The following MAGI2 variants were observed in gnomAD, a reference collection of about 807,000 sequenced individuals.
The protein encoded by MAGI2 is membrane associated guanylate kinase, WW and PDZ domain containing 2, also known as membrane-associated guanylate kinase, WW and PDZ domain-containing protein 2.
MAGI2 carries 35 observed loss-of-function variants against 133.3 expected under a neutral mutation model. That is an observed-to-expected ratio of 0.26 (90% CI 0.20 to 0.35). MAGI2 has a LOEUF of 0.35. Among genes scored for constraint, MAGI2 ranks in the 10% least tolerant of loss-of-function variants. The pLI is 1.00. For synonymous variants in MAGI2, 729 were observed against 710.6 expected, an observed-to-expected ratio of 1.03 and a Z score of -0.41; for missense variants, 1,636 against 1,863.4, an observed-to-expected ratio of 0.88 and a Z score of 2.25.
At chr7:79,053,113 C>G (rs1399947835) in intron 1 of MAGI2, among the ~76,000 whole-genome samples, 2 of 152,078 alleles carry the variant, frequency 1.3e-5, no homozygotes. Flanking sequence ...GCTGGGACTA[C>G]AGACGCCCAC....
At chr7:78,214,242 T>C (rs1203873714) in intron 10 of MAGI2, among the ~76,000 whole-genome samples, 1 of 152,262 alleles carries the variant, frequency 6.6e-6, no homozygotes. Flanking sequence ...TTTTAAATAT[T>C]ACATCTTCTA....
intron 6 of MAGI2, among the ~76,000 whole-genome samples, chr7:78,378,680 A>G (rs925373614): frequency 2.6e-5 from 4 of 151,988 alleles, no homozygotes; most frequent in Admixed American, 1.3e-4. Flanking sequence ...CCATATAAAC[A>G]GTTTATTCTA....
At chr7:78,206,620 A>G (rs1787133757) in intron 10 of MAGI2, among the ~76,000 whole-genome samples, 1 of 152,130 alleles carries the variant, frequency 6.6e-6, no homozygotes, top group Admixed American at 6.5e-5. Flanking sequence ...ATTTTCAGGA[A>G]TTTTCCCAAA....
intron 1 of MAGI2, among the ~76,000 whole-genome samples, chr7:79,029,290 T>A (rs1435682874): frequency 6.6e-6 from 1 of 152,174 alleles, no homozygotes; most frequent in Non-Finnish European, 1.5e-5. Flanking sequence ...CCTGTATTAA[T>A]AAAATCTACA....
At chr7:79,186,251 T>A (rs1298872836) in intron 1 of MAGI2, among the ~76,000 whole-genome samples, 1 of 138,540 alleles carries the variant, frequency 7.2e-6, no homozygotes, top group African/African-American at 2.8e-5. Context: ...TATTTATATT[T>A]ATTTATTTAT....
At chr7:78,145,188 A>G (rs184723151) in intron 16 of MAGI2, among the ~76,000 whole-genome samples, 167 of 152,298 alleles carry the variant, frequency 1.1e-3, no homozygotes, top group African/African-American at 3.8e-3. Context: ...ATTTTTCTTC[A>G]GAAACTTACA....
At position 78,348,565 on chromosome 7, in the gene MAGI2, C is replaced by T. The variant is rs1791164082; in HGVS notation, c.1104-2522G>A. 3 of 152,148 alleles carry T rather than the reference C, an allele frequency of 2.0e-5. No homozygotes were observed. The South Asian group carries it at 6.2e-4, about 32-fold the overall frequency. The allele number at this position is 152,148 out of a possible 1,614,324, so 9.4% of individuals were successfully genotyped here. Reference sequence around the variant, plus strand: ...TCCCTGCCTGTGTGATATTCTTCCACCTTGGGTTCTCAGAAAACTTTGAAC... The same window carrying T: ...TCCCTGCCTGTGTGATATTCTTCCATCTTGGGTTCTCAGAAAACTTTGAAC... On this transcript the variant is annotated intron_variant, in intron 7 of 21. Coordinates refer to ENST00000354212, the MANE Select transcript of MAGI2 (RefSeq NM_012301.4).
chr7:79,138,944 C>G (rs566392532), intron 1 of MAGI2, among the ~76,000 whole-genome samples: 4 of 138,432 alleles, frequency 2.9e-5, no homozygotes, highest in Non-Finnish European at 3.0e-5. Context: ...GCACTGCATT[C>G]CAGCCTGGAT....
intron 2 of MAGI2, among the ~76,000 whole-genome samples, chr7:78,938,232 A>G (rs1367183737): frequency 6.6e-6 from 1 of 152,130 alleles, no homozygotes; most frequent in Non-Finnish European, 1.5e-5. Flanking sequence ...CAAATCTGAC[A>G]AAAAATTAAT....
chr7:78,521,532 T>A lies in MAGI2; in HGVS notation c.652A>T (p.Asn218Tyr). Residue 218 changes from asparagine to tyrosine, a missense_variant, in exon 4 of 22, where the codon AAT becomes TAT. By Grantham distance (143) the Asn-to-Tyr change is moderately radical. Coordinates refer to ENST00000354212, the MANE Select transcript of MAGI2 (RefSeq NM_012301.4). ...TPSAEGKRKR[N>Y]KSVSNMEKAS... is the part of the protein sequence containing the mutation. ...TTCTCCATGTTGCTCACTGATTTAT[T>A]CCTCTTCCGTTTTCCTTCAGCACTT... 1 of 1,614,146 alleles carries A rather than the reference T, an allele frequency of 6.2e-7. No homozygotes were observed. Among genetic ancestry groups the A allele is most frequent in the African/African-American group, 1.3e-5 (1 of 75,046 alleles).
chr7:78,345,700 T>G, intron 8 of MAGI2: 1 of 547,040 alleles, frequency 1.8e-6, no homozygotes, highest in Non-Finnish European at 3.2e-6. Flanking sequence ...GGTGACATGC[T>G]GTACATTCCT....
At position 78,137,230 on chromosome 7, in the gene MAGI2, G is replaced by A. The variant is rs146118629; in HGVS notation, c.2846-2024C>T. 2.6e-5 allele frequency among the ~76,000 whole-genome samples: 4 copies of A among 152,188 alleles called. No individual in the cohort carries two copies. In the East Asian group the frequency reaches 7.7e-4, roughly 29 times the overall value. On this transcript the variant is annotated intron_variant, in intron 16 of 21. Transcript: ENST00000354212. ...GAATGAATGGTTCATCAATGATTTG[G>A]TCTCCCTGGCCATAATGTGTATATT... is the stretch of plus-strand genomic sequence containing the variant.
intron 2 of MAGI2, among the ~76,000 whole-genome samples, chr7:78,868,240 A>G (rs1351843675): frequency 6.6e-6 from 1 of 152,274 alleles, no homozygotes; most frequent in African/African-American, 2.4e-5. Flanking sequence ...AAACAAACTT[A>G]GAAACAATGA....
At chr7:78,630,363 T>C (rs992936985) in intron 2 of MAGI2, among the ~76,000 whole-genome samples, 15 of 151,742 alleles carry the variant, frequency 9.9e-5, no homozygotes, top group Admixed American at 7.2e-4. Context: ...ATTAATTCTA[T>C]GTAAATCTAT....
At chr7:79,168,915 T>TATATAG (rs1825237870) in intron 1 of MAGI2, among the ~76,000 whole-genome samples, 3 of 19,338 alleles carry the variant, frequency 1.6e-4, no homozygotes, top group African/African-American at 2.2e-4. Context: ...TATATATATA[T>TATATAG]ATATATATAT....
intron 3 of MAGI2, among the ~76,000 whole-genome samples, chr7:78,603,096 T>G (rs1267607229): frequency 6.8e-6 from 1 of 146,956 alleles, no homozygotes; most frequent in Non-Finnish European, 1.5e-5. Flanking sequence ...CTTTTTGTCA[T>G]CAAAGACCTC....
intron 20 of MAGI2, among the ~76,000 whole-genome samples, chr7:78,086,505 G>C (rs1346232872): frequency 2.0e-5 from 3 of 150,236 alleles, no homozygotes; most frequent in African/African-American, 7.4e-5. Context: ...CCAAAGTGCT[G>C]GGATTACAGG....
intron 2 of MAGI2, among the ~76,000 whole-genome samples, chr7:78,928,616 C>G (rs1482923731): frequency 6.6e-6 from 1 of 152,048 alleles, no homozygotes; most frequent in African/African-American, 2.4e-5. Flanking sequence ...TAAATAGAAG[C>G]AAGGTGCTTA....
At chr7:78,830,834 C>A (rs1485231535) in intron 2 of MAGI2, among the ~76,000 whole-genome samples, 1 of 152,088 alleles carries the variant, frequency 6.6e-6, no homozygotes, top group Non-Finnish European at 1.5e-5. Context: ...ATCTAGCTAG[C>A]CTTGGGCTAT....
Sources: gnomAD v4.1 joint callset for allele counts (sites outside exome capture counted in the v4.1 genomes callset) on GRCh38, gnomAD v4.1.1 for gene constraint, MANE v1.5 for transcripts, NCBI Gene and HGNC (gene_info 2026-07-23, HGNC 2026-07-21) for gene names.